KCNA6: variants seen among roughly 807,000 people sequenced by gnomAD.
KCNA6 encodes potassium voltage-gated channel subfamily A member 6.
A neutral mutation model predicts 29.5 loss-of-function variants in KCNA6; 17 were observed. That is an observed-to-expected ratio of 0.58 (90% CI 0.39 to 0.86). The LOEUF (loss-of-function observed/expected upper bound fraction) is 0.86, where lower values mean the gene tolerates loss of function less well. KCNA6 is among the 40% of genes least tolerant of loss of function. The pLI is 0.00. For missense variants in KCNA6, 450 were observed against 703.4 expected, an observed-to-expected ratio of 0.64 and a Z score of 4.07; for synonymous variants, 296 against 304.7, an observed-to-expected ratio of 0.97 and a Z score of 0.30.
At chr12:4,840,195 T>TATA in the KCNA6 span, among the ~76,000 whole-genome samples, 10,532 of 150,220 alleles carry the variant, frequency 0.07, 627 homozygotes, top group East Asian at 0.28. Flanking sequence ...ATGATGATTA[T>TATA]TATCTATCTA....
At chr12:4,809,815 G>A in exon 1 of KCNA6, 1 of 490,916 alleles carries the variant, frequency 2.0e-6, no homozygotes, top group Non-Finnish European at 3.5e-6. Flanking sequence ...GTAACGGGAA[G>A]CGCAGAACCA....
the KCNA6 span, among the ~76,000 whole-genome samples, chr12:4,831,344 G>C: frequency 0.7 from 107,107 of 151,950 alleles, 38,069 homozygotes; most frequent in African/African-American, 0.77. Flanking sequence ...ACAATAACTC[G>C]TTATCACCCA....
the KCNA6 span, among the ~76,000 whole-genome samples, chr12:4,850,200 G>A: frequency 6.6e-6 from 1 of 152,166 alleles, no homozygotes; most frequent in Non-Finnish European, 1.5e-5. This position sits in a 1 kb window ranked among gnomAD's most constrained non-coding sequence, Gnocchi z 5.4. Context: ...AGAACATTCC[G>A]GCATGGTAGG....
chr12:4,850,309 C>G, the KCNA6 span, among the ~76,000 whole-genome samples: 3 of 151,868 alleles, frequency 2.0e-5, no homozygotes, highest in Admixed American at 2.0e-4. The surrounding 1 kb of genome is among the most constrained non-coding windows in gnomAD (Gnocchi z 5.4). Context: ...AGGGGGACCC[C>G]TCGACCATGT....
chr12:4,839,688 A>G, the KCNA6 span, among the ~76,000 whole-genome samples: 52,287 of 152,124 alleles, frequency 0.34, 9,276 homozygotes, highest in African/African-American at 0.39. Context: ...AAACATAAAA[A>G]GTGCCCATTG....
At chr12:4,812,201 C>T (rs777131595) in exon 1 of KCNA6, 2 of 168,102 alleles carry the variant, frequency 1.2e-5, no homozygotes, top group Non-Finnish European at 2.9e-5. Flanking sequence ...ATAGGTTATT[C>T]GTTTCTAAAC....
chr12:4,810,943 T>C lies in KCNA6; in HGVS notation c.902T>C (p.Leu301Ser). ...CGGAACATCATGAACATCATTGACTTGGTGGCTATCTTCCCCTACTTCATC... is the reference window on the plus strand; with the variant it reads ...CGGAACATCATGAACATCATTGACTCGGTGGCTATCTTCCCCTACTTCATC... Residue 301 changes from leucine (L) to serine (S), a missense_variant, in exon 1 of 1, where the codon TTG becomes TCG. Physicochemically the swap from Leu to Ser is moderately radical, Grantham distance 145. Around this residue, in one of 7 missense-constraint regions of KCNA6, gnomAD observed 46 missense variants for 80.2 expected, o/e 0.57. Coordinates refer to ENST00000280684, the Ensembl canonical transcript of KCNA6. This position sits in a 1 kb window ranked among gnomAD's most constrained non-coding sequence, Gnocchi z 7.5. 1 of 1,614,242 alleles carries C rather than the reference T, an allele frequency of 6.2e-7. No homozygotes were observed. The highest frequency in any genetic ancestry group is 8.5e-7 in the Non-Finnish European group (1 of 1,180,042).
chr12:4,814,713 C>T (rs1249379649), downstream of KCNA6: 1 of 167,118 alleles, frequency 6.0e-6, no homozygotes, highest in Non-Finnish European at 1.5e-5. The surrounding 1 kb of genome is among the most constrained non-coding windows in gnomAD (Gnocchi z 4.6). Flanking sequence ...GAGCTGCCAG[C>T]CTCAGCCTGA....
the KCNA6 span, among the ~76,000 whole-genome samples, chr12:4,829,973 C>A: frequency 6.6e-6 from 1 of 152,190 alleles, no homozygotes; most frequent in Non-Finnish European, 1.5e-5. Flanking sequence ...TGGCTCATGG[C>A]CAGTCCTGCC....
chr12:4,847,469 TC>T, the KCNA6 span, among the ~76,000 whole-genome samples: 1 of 152,200 alleles, frequency 6.6e-6, no homozygotes, highest in Non-Finnish European at 1.5e-5. Context: ...CATTTTACTT[TC>T]TGGGAGAGTT....
At chr12:4,838,087 G>C in the KCNA6 span, among the ~76,000 whole-genome samples, 16 of 152,174 alleles carry the variant, frequency 1.1e-4, no homozygotes, top group Non-Finnish European at 1.9e-4. Flanking sequence ...ACTGCCTTCG[G>C]CTGCAGGGTC....
At chr12:4,841,715 C>T in the KCNA6 span, among the ~76,000 whole-genome samples, 2 of 151,972 alleles carry the variant, frequency 1.3e-5, no homozygotes, top group African/African-American at 4.8e-5. Flanking sequence ...TTTCCATTTC[C>T]AGAAATTTAA....
chr12:4,823,833 T>A, the KCNA6 span, among the ~76,000 whole-genome samples: 1 of 152,196 alleles, frequency 6.6e-6, no homozygotes, highest in East Asian at 1.9e-4. Context: ...TCTCTCTTTT[T>A]CTTACTGCAT....
the KCNA6 span, among the ~76,000 whole-genome samples, chr12:4,841,567 A>G: frequency 6.6e-6 from 1 of 152,216 alleles, no homozygotes; most frequent in Non-Finnish European, 1.5e-5. Context: ...TTTAAAGATC[A>G]TGTGTGAAGT....
the KCNA6 span, chr12:4,839,325 A>C: frequency 6.6e-6 from 1 of 152,226 alleles, no homozygotes; most frequent in Non-Finnish European, 1.5e-5. Flanking sequence ...AATGAGGATG[A>C]AGACCTTTAC....
At chr12:4,827,186 C>CTCCTTCCTTCCTTCT in the KCNA6 span, among the ~76,000 whole-genome samples, 2 of 60,964 alleles carry the variant, frequency 3.3e-5, no homozygotes, top group African/African-American at 7.8e-5. Context: ...CCTTCCTTCC[C>CTCCTTCCTTCCTTCT]TCCTTCCTTC....
the KCNA6 span, among the ~76,000 whole-genome samples, chr12:4,840,221 ATC>A: frequency 1.5e-4 from 4 of 26,692 alleles, no homozygotes; most frequent in Admixed American, 4.1e-4. Context: ...CTATCTATCT[ATC>A]TATCTATCTA....
chr12:4,824,309 C>T, the KCNA6 span, among the ~76,000 whole-genome samples: 14 of 152,238 alleles, frequency 9.2e-5, no homozygotes, highest in Non-Finnish European at 1.6e-4. Context: ...TCAAAGCTCT[C>T]ATAAATCAGT....
chr12:4,829,604 A>G, the KCNA6 span, among the ~76,000 whole-genome samples: 2 of 152,152 alleles, frequency 1.3e-5, no homozygotes, highest in African/African-American at 4.8e-5. Context: ...TATCAGCATC[A>G]CCAGATTCTT....
Sources: gnomAD v4.1 joint callset for allele counts (sites outside exome capture counted in the v4.1 genomes callset) on GRCh38, gnomAD v4.1.1 for gene constraint, gnomAD v4.1.1 regional missense constraint, Gnocchi (gnomAD v3.1) non-coding constraint, MANE v1.5 for transcripts, NCBI Gene and HGNC (gene_info 2026-07-23, HGNC 2026-07-21) for gene names.